Variants in ITGAE observed in about 807,000 individuals in gnomAD.
ITGAE encodes integrin alpha-E.
A neutral mutation model predicts 136.5 loss-of-function variants in ITGAE; 99 were observed. That is an observed-to-expected ratio of 0.73 (90% CI 0.62 to 0.86). The LOEUF (loss-of-function observed/expected upper bound fraction) is 0.86. Among genes scored for constraint, ITGAE ranks in the 40% least tolerant of loss-of-function variants. The pLI is 0.00. For synonymous variants in ITGAE, 613 were observed against 591.8 expected (o/e 1.04, Z -0.52); for missense variants, 1,447 against 1,515.3 (o/e 0.95, Z 0.75).
intron 24 of ITGAE, 27 bp from the exon 25 acceptor site, chr17:3,728,195 C>T: frequency 1.3e-6 from 2 of 1,574,818 alleles, no homozygotes; most frequent in Middle Eastern, 1.7e-4. Flanking sequence ...ATGCGTCAGC[C>T]CTTGAGGAGT....
rs1268555532 is a variant in ITGAE, at chr17:3,714,822, A to G, written c.*25T>C. 5 of 1,388,846 alleles carry G rather than the reference A, an allele frequency of 3.6e-6. No homozygotes were observed. Among genetic ancestry groups the G allele is most frequent in the South Asian group, 1.2e-5 (1 of 85,786 alleles). 86.0% of individuals were successfully genotyped at this position (1,388,846 alleles called of 1,614,324 possible). On this transcript the variant is annotated 3_prime_UTR_variant, in exon 31 of 31. Coordinates refer to ENST00000263087, the MANE Select transcript of ITGAE (RefSeq NM_002208.5). ...TCTCCAAGTCCCAGGACTGGCTGAT[A>G]GCCTCTCCCAGTGGATAGCAGGTCC...
At chr17:3,716,919 T>A in intron 29 of ITGAE, 121 bp from the exon 30 acceptor site, 2 of 618,870 alleles carry the variant, frequency 3.2e-6, no homozygotes, top group Non-Finnish European at 5.7e-6. Context: ...TGATCAAAGC[T>A]GATGACAGTA....
At chr17:3,762,096 G>A in intron 3 of ITGAE, 114 bp from the exon 4 acceptor site, 1 of 809,760 alleles carries the variant, frequency 1.2e-6, no homozygotes, top group Non-Finnish European at 2.0e-6. Context: ...AGGAACTGTT[G>A]GCCACTCAGA....
chr17:3,741,244 ATT>A lies in ITGAE; in HGVS notation c.2449-1368_2449-1367del, dbSNP rs34606637. Among the ~76,000 whole-genome samples the A allele has an allele frequency of 8.5e-3, 1,157 of 136,692 alleles. 16 individuals carry two copies. Among genetic ancestry groups the A allele is most frequent in the African/African-American group, 0.023 (828 of 36,444 alleles). 89.7% of individuals were successfully genotyped at this position (136,692 alleles called of 152,430 possible). On this transcript the variant is annotated intron_variant, in intron 19 of 30. Coordinates refer to ENST00000263087, the MANE Select transcript of ITGAE (RefSeq NM_002208.5). ...AGCTGCCCGCCACCACGCCCAGCTA[ATT>A]TTTTTTTTTTTTTTGTATTTTTAGT...
chr17:3,787,566 G>A (rs1384505737), intron 1 of ITGAE, among the ~76,000 whole-genome samples: 1 of 152,106 alleles, frequency 6.6e-6, no homozygotes, highest in African/African-American at 2.4e-5. Flanking sequence ...CCTGCTATGA[G>A]TGTCTTGCAG....
Position 3,751,654 on chromosome 17 carries a change from G to C in ITGAE, c.1889C>G (p.Ser630Trp), listed in dbSNP as rs757934661. Residue 630 changes from serine to tryptophan, a missense_variant, in exon 15 of 31, where the codon TCG becomes TGG. By Grantham distance (177) the Ser-to-Trp change is radical (BLOSUM62 -3). This residue lies in a region of ITGAE where 1,031 missense variants were observed against 1,011.4 expected (regional missense o/e 1.02). Coordinates refer to ENST00000263087, the MANE Select transcript of ITGAE (RefSeq NM_002208.5). ...GHWDGLSASP[S>W]QRIRASTVAP... is the part of the protein sequence containing the mutation. Reference sequence around the variant, plus strand: ...GGAGAGGGCCCCATGGGTCACCTGCGAGGGGCTGGCGGAGAGGCCGTCCCA... The same window carrying C: ...GGAGAGGGCCCCATGGGTCACCTGCCAGGGGCTGGCGGAGAGGCCGTCCCA... The C allele has an allele frequency of 1.9e-6, 3 of 1,613,460 alleles. No individual in the cohort carries two copies. The highest frequency in any genetic ancestry group is 3.3e-5 in the Admixed American group (2 of 59,980).
chr17:3,742,211 G>A (rs750700507), intron 19 of ITGAE, among the ~76,000 whole-genome samples: 14 of 152,216 alleles, frequency 9.2e-5, no homozygotes, highest in Non-Finnish European at 1.6e-4. Flanking sequence ...GGAAGACTGA[G>A]TGAGAAACCC....
At chr17:3,780,171 GTTT>G (rs34188634) in intron 1 of ITGAE, among the ~76,000 whole-genome samples, 2 of 120,520 alleles carry the variant, frequency 1.7e-5, no homozygotes, top group South Asian at 2.6e-4. Context: ...TTGTTTATTT[GTTT>G]TTTTTTTTTT....
At chr17:3,736,150 GA>G (rs912107500) in intron 20 of ITGAE, among the ~76,000 whole-genome samples, 268 of 147,714 alleles carry the variant, frequency 1.8e-3, no homozygotes, top group Middle Eastern at 7.0e-3. Flanking sequence ...CTCAAAAAAA[GA>G]AAAAAAAAAT....
chr17:3,728,195 C>G, intron 24 of ITGAE, 27 bp from the exon 25 acceptor site: 1 of 1,574,818 alleles, frequency 6.3e-7, no homozygotes, highest in Non-Finnish European at 8.7e-7. Flanking sequence ...ATGCGTCAGC[C>G]CTTGAGGAGT....
intron 21 of ITGAE, among the ~76,000 whole-genome samples, chr17:3,734,133 C>G (rs140180728): frequency 6.6e-6 from 1 of 152,200 alleles, no homozygotes; most frequent in Non-Finnish European, 1.5e-5. Flanking sequence ...TGCAGTGGCG[C>G]AATCTCGGCT....
At chr17:3,723,801 T>C (rs2051119194) in intron 26 of ITGAE, 57 bp from the exon 27 acceptor site, 3 of 1,592,214 alleles carry the variant, frequency 1.9e-6, no homozygotes, top group East Asian at 4.5e-5. Context: ...CAGTTTTCCG[T>C]CCCGTCCCGG....
chr17:3,747,460 G>T (rs1244547694), intron 17 of ITGAE, among the ~76,000 whole-genome samples: 1 of 152,128 alleles, frequency 6.6e-6, no homozygotes, highest in African/African-American at 2.4e-5. Flanking sequence ...TGGGATTACA[G>T]GCACCTGCCC....
rs112029987 is a variant in ITGAE at position 3,800,674 on chromosome 17, G to A, written c.34+437C>T. ...ATACAGACACTTGCCCCCAGTCTCT[G>A]GTCAACACTCTCTCACAGGGTCCTC... On this transcript the variant is annotated intron_variant, in intron 1 of 30. Transcript: ENST00000263087. Among the ~76,000 whole-genome samples, 788 of 152,242 alleles carry A rather than the reference G, an allele frequency of 5.2e-3. 3 individuals carry two copies. The highest frequency in any genetic ancestry group is 8.7e-3 in the Non-Finnish European group (591 of 68,010).
chr17:3,761,853 T>G (rs1020825823), intron 4 of ITGAE, 62 bp downstream of exon 4: 1 of 1,434,328 alleles, frequency 7.0e-7, no homozygotes, highest in Non-Finnish European at 9.7e-7. Context: ...AACACCAGGG[T>G]CAACCACGAG....
chr17:3,717,039 G>C, intron 29 of ITGAE: 1 of 413,912 alleles, frequency 2.4e-6, no homozygotes, highest in Non-Finnish European at 4.4e-6. Context: ...AGAAGGGCTA[G>C]GTCTGTCAGG....
chr17:3,731,335 CTTTTTTTTTTTT>C (rs78134599), intron 22 of ITGAE, 152 bp from the exon 23 acceptor site: 169,099 of 397,372 alleles, frequency 0.43, 21,336 homozygotes, highest in East Asian at 0.48. Context: ...CTTTCCCTTC[CTTTTTTTTTTTT>C]TTTTTTTTTT....
At chr17:3,715,518 G>C (rs993577546) in intron 30 of ITGAE, among the ~76,000 whole-genome samples, 1 of 152,132 alleles carries the variant, frequency 6.6e-6, no homozygotes, top group South Asian at 2.1e-4. Flanking sequence ...CAGCCTACGC[G>C]TACGCAGAGG....
rs757076562 is a variant in ITGAE, at chr17:3,761,507, A to G, written c.329T>C (p.Val110Ala). The G allele has an allele frequency of 1.2e-6, 2 of 1,613,428 alleles. No individual in the cohort carries two copies. Among genetic ancestry groups the G allele is most frequent in the East Asian group, 2.2e-5 (1 of 44,876 alleles). ...GAGGCTGTGAGGCCGCCGGACCAGC[A>G]CTTGAATGCATATCTGTGGGAGGGA... The part of the protein sequence containing the change: ...SHHGVLICIQ[V>A]LVRRPHSLSS... The change falls in exon 5 of 31, where the codon GTG (valine) becomes GCG (alanine). Residue 110 changes from valine to alanine, a missense_variant. Around this residue, in one of 3 missense-constraint regions of ITGAE, gnomAD observed 310 missense variants for 416.1 expected, o/e 0.74. Coordinates refer to ENST00000263087, the MANE Select transcript of ITGAE (RefSeq NM_002208.5).
Sources: allele counts gnomAD v4.1 joint callset (sites outside exome capture counted in the v4.1 genomes callset), GRCh38; gene constraint gnomAD v4.1.1; regional missense constraint gnomAD v4.1.1; transcripts MANE v1.5; gene names NCBI Gene and HGNC (gene_info 2026-07-23, HGNC 2026-07-21).